The following DLC1 variants were observed in gnomAD, a reference collection of about 807,000 sequenced individuals.
The protein encoded by DLC1 is rho GTPase-activating protein 7.
In DLC1, 54 loss-of-function variants were observed where a neutral mutation model predicts 140.3. That is an observed-to-expected ratio of 0.38 (90% CI 0.31 to 0.48). The LOEUF is 0.48. Among genes scored for constraint, DLC1 ranks in the 20% least tolerant of loss-of-function variants. DLC1 has a pLI of 0.96. For missense variants in DLC1, 2,536 were observed against 1,907.0 expected (o/e 1.33, Z -6.14); for synonymous variants, 986 against 728.1 (o/e 1.35, Z -5.70).
intron 2 of DLC1, among the ~76,000 whole-genome samples, chr8:13,426,108 T>C (rs994410573): frequency 6.6e-6 from 1 of 150,378 alleles, no homozygotes; most frequent in African/African-American, 2.4e-5. Context: ...CCACCCTGTA[T>C]GGCAATTATT....
rs757881147 is a variant in DLC1, at chr8:13,393,659, G to T, written c.1208C>A (p.Thr403Asn). The change falls in exon 4 of 18, where the codon ACC (threonine) becomes AAC (asparagine). Residue 403 changes from threonine (T) to asparagine (N), a missense_variant. Coordinates refer to ENST00000276297, the MANE Select transcript of DLC1 (RefSeq NM_182643.3). ...LESGSESGAD[T>N]ISVNQTRVNL... The stretch of plus-strand genomic sequence containing the variant: ...TACTCGTGTCTGATTTACTGAAATG[G>T]TATCTGCTCCACTTTCAGATCCTGA... The T allele has an allele frequency of 1.2e-6, 2 of 1,613,932 alleles. No individual in the cohort carries two copies. Among genetic ancestry groups the T allele is most frequent in the African/African-American group, 1.3e-5 (1 of 74,900 alleles).
chr8:13,497,183 C>T (rs1311707043), intron 2 of DLC1, among the ~76,000 whole-genome samples: 2 of 152,132 alleles, frequency 1.3e-5, no homozygotes, highest in South Asian at 4.1e-4. Context: ...CACCTCTGTA[C>T]ATATCTTTCT....
chr8:13,393,634 T>G lies in DLC1; in HGVS notation c.1233A>C (p.Val411=), dbSNP rs1836872436. Residue 411 remains valine, a synonymous_variant, in exon 4 of 18, where the codon GTA becomes GTC. Coordinates refer to ENST00000276297, the MANE Select transcript of DLC1 (RefSeq NM_182643.3). ...TGGACTCAGTGTCAGAAGACAAATT[T>G]ACTCGTGTCTGATTTACTGAAATGG... is the stretch of plus-strand genomic sequence containing the variant. ...ADTISVNQTR[V]NLSSDTESTD... 1.2e-6 allele frequency: 2 copies of G among 1,614,040 alleles called. No individual in the cohort carries two copies. The highest frequency in any genetic ancestry group is 1.7e-6 in the Non-Finnish European group (2 of 1,180,030).
Position 13,134,847 on chromosome 8 carries a change from C to A in DLC1, c.1349-19190G>T, listed in dbSNP as rs138037791. ...TTCCACTACTGGCTCCCTAATTTAC[C>A]CAAAGCAGAATTCAGCTCTAAAGGG... On this transcript the variant is annotated intron_variant, in intron 5 of 17. Transcript: ENST00000276297. Among the ~76,000 whole-genome samples the A allele has an allele frequency of 8.5e-5, 13 of 152,200 alleles. No homozygotes were observed. The East Asian group carries it at 1.9e-3, about 23-fold the overall frequency.
chr8:13,526,312 C>G (rs1802919910), intron 1 of DLC1, among the ~76,000 whole-genome samples: 1 of 152,050 alleles, frequency 6.6e-6, no homozygotes, highest in African/African-American at 2.4e-5. Context: ...TGTAATTCTG[C>G]ATGAATTTAA....
intron 4 of DLC1, among the ~76,000 whole-genome samples, chr8:13,325,388 A>G (rs927066931): frequency 2.6e-5 from 4 of 152,186 alleles, no homozygotes; most frequent in African/African-American, 9.7e-5. Flanking sequence ...TTCCTACTAA[A>G]TTGCACAACA....
chr8:13,490,056 C>A (rs947705017), intron 2 of DLC1, among the ~76,000 whole-genome samples: 10 of 152,144 alleles, frequency 6.6e-5, no homozygotes, highest in African/African-American at 2.4e-4. Flanking sequence ...AATACACCCC[C>A]CACTTTAGGT....
chr8:13,186,955 C>G (rs1826408019), intron 5 of DLC1, among the ~76,000 whole-genome samples: 2 of 152,152 alleles, frequency 1.3e-5, no homozygotes, highest in African/African-American at 2.4e-5. Context: ...CACTCTAGAC[C>G]CTGTTTGCCT....
At chr8:13,399,573 A>G (rs1054106948) in intron 3 of DLC1, among the ~76,000 whole-genome samples, 1 of 152,128 alleles carries the variant, frequency 6.6e-6, no homozygotes, top group Non-Finnish European at 1.5e-5. Context: ...GAGATTGGCT[A>G]TCTCAGCGAG....
At position 13,158,742 on chromosome 8, in the gene DLC1, CCCCCCG is replaced by C. The variant is rs1223884524; in HGVS notation, c.1349-43091_1349-43086del. Reference sequence around the variant, plus strand: ...TTCACAACCACCACCCTCCCCCCCCCCCCCCGCCCGCCACACATCTCTCCTCTTTTT... The same window carrying C: ...TTCACAACCACCACCCTCCCCCCCCCCCCGCCACACATCTCTCCTCTTTTT... On this transcript the variant is annotated intron_variant, in intron 5 of 17. Transcript: ENST00000276297. 5.5e-5 allele frequency among the ~76,000 whole-genome samples: 5 copies of C among 90,172 alleles called. 1 individual carries two copies. Among genetic ancestry groups the C allele is most frequent in the African/African-American group, 3.0e-4 (5 of 16,882 alleles). The allele number at this position is 90,172 out of a possible 152,430, so 59.2% of individuals were successfully genotyped here.
At position 13,201,559 on chromosome 8, in the gene DLC1, TATTAGAATAAAAGCCACAGTCACCA is replaced by T. The variant is rs1375233331; in HGVS notation, c.1349-85927_1349-85903del. On this transcript the variant is annotated intron_variant, in intron 5 of 17. Coordinates refer to ENST00000276297, the MANE Select transcript of DLC1 (RefSeq NM_182643.3). ...GAAGAAAAGCTCTTAATTTCTAATA[TATTAGAATAAAAGCCACAGTCACCA>T]TTCAAGTTATTTAAGTACTATTGCA... 2.6e-5 allele frequency among the ~76,000 whole-genome samples: 4 copies of T among 152,204 alleles called. No individual in the cohort carries two copies. In the East Asian group the frequency reaches 5.8e-4, roughly 22 times the overall value.
rs1392752966 is a variant in DLC1, at chr8:13,115,606, T to G, written c.1400A>C (p.Gln467Pro). ...CDWLRATGFP[Q>P]YAQLYEDFLF... is the part of the protein sequence containing the mutation. ...CTTACCTTCATAAAGCTGTGCATAC[T>G]GGGGGAAACCAGTTGCCCGTAGCCA... Residue 467 changes from glutamine to proline, a missense_variant, in exon 6 of 18, where the codon CAG (glutamine) becomes CCG (proline). Transcript: ENST00000276297. 6.2e-7 allele frequency: 1 copy of G among 1,613,994 alleles called. No individual in the cohort carries two copies. Among genetic ancestry groups the G allele is most frequent in the Non-Finnish European group, 8.5e-7 (1 of 1,179,942 alleles).
In DLC1 at chr8:13,299,978, C is replaced by T. The variant is rs147980618; in HGVS notation, c.1348+5291G>A. On this transcript the variant is annotated intron_variant, in intron 5 of 17. Coordinates refer to ENST00000276297, the MANE Select transcript of DLC1 (RefSeq NM_182643.3). The stretch of plus-strand genomic sequence containing the variant: ...AATCATTCTATTATAAAGATACATG[C>T]ACACATATGTTCATTGCAGCACTAT... Among the ~76,000 whole-genome samples the T allele has an allele frequency of 4.6e-5, 7 of 152,254 alleles. No individual in the cohort carries two copies. The South Asian group carries it at 1.5e-3, about 32-fold the overall frequency.
At chr8:13,527,529 C>G (rs2117298696) in intron 1 of DLC1, among the ~76,000 whole-genome samples, 2 of 152,102 alleles carry the variant, frequency 1.3e-5, no homozygotes, top group South Asian at 4.1e-4. Flanking sequence ...AAGGGGATAA[C>G]TGTCTGTTGT....
At chr8:13,123,211 T>C (rs1199037573) in intron 5 of DLC1, among the ~76,000 whole-genome samples, 1 of 152,142 alleles carries the variant, frequency 6.6e-6, no homozygotes, top group Non-Finnish European at 1.5e-5. Flanking sequence ...CTTTCATTGG[T>C]GAAAGCCAAA....
At chr8:13,592,329 T>C (rs1218157070) in intron 1 of DLC1, among the ~76,000 whole-genome samples, 1 of 152,132 alleles carries the variant, frequency 6.6e-6, no homozygotes, top group Non-Finnish European at 1.5e-5. Context: ...CCCTCTGTGT[T>C]ATATTTAAAT....
chr8:13,485,338 A>T (rs1011903531), intron 2 of DLC1, among the ~76,000 whole-genome samples: 3 of 152,226 alleles, frequency 2.0e-5, no homozygotes, highest in Admixed American at 6.5e-5. Flanking sequence ...AATGACTTCA[A>T]TATAGCTTGA....
chr8:13,306,681 C>T (rs753512620), intron 4 of DLC1, among the ~76,000 whole-genome samples: 3 of 151,750 alleles, frequency 2.0e-5, no homozygotes, highest in South Asian at 2.1e-4. Flanking sequence ...AATATCAAGA[C>T]GTCTATATCC....
intron 5 of DLC1, among the ~76,000 whole-genome samples, chr8:13,137,648 C>T (rs1822674097): frequency 6.7e-6 from 1 of 148,656 alleles, no homozygotes; most frequent in Non-Finnish European, 1.5e-5. Context: ...GTCACCCAGA[C>T]TGGAGTGCAG....
Sources: allele counts gnomAD v4.1 joint callset (sites outside exome capture counted in the v4.1 genomes callset), GRCh38; gene constraint gnomAD v4.1.1; transcripts MANE v1.5; gene names NCBI Gene and HGNC (gene_info 2026-07-23, HGNC 2026-07-21).